The following XXYLT1 variants were observed in gnomAD, a reference collection of about 807,000 sequenced individuals.
XXYLT1 encodes xyloside xylosyltransferase 1, also known as UDP-xylose:alpha-xyloside alpha-1,3-xylosyltransferase.
Under a neutral mutation model 28.9 loss-of-function variants are expected in XXYLT1, and 20 were observed. The observed-to-expected ratio is 0.69, with a 90% confidence interval of 0.49 to 1.00. The LOEUF (loss-of-function observed/expected upper bound fraction) is 1.00. XXYLT1 is among the 50% of genes least tolerant of loss of function. XXYLT1 has a pLI of 0.00. For synonymous variants in XXYLT1, 257 were observed against 253.8 expected (o/e 1.01, Z -0.12); for missense variants, 542 against 560.1 (o/e 0.97, Z 0.33).
Position 195,226,865 on chromosome 3 carries a change from G to A in XXYLT1, c.505-9C>T. 2 of 1,610,524 alleles carry A rather than the reference G, an allele frequency of 1.2e-6. No homozygotes were observed. Among genetic ancestry groups the A allele is most frequent in the Non-Finnish European group, 8.5e-7 (1 of 1,178,920 alleles). ...ACATCGTGGAAGATGACCTGCAGCAGGTGCAAAAAAAACCAAGGCTCAGCA... is the reference window on the plus strand; with the variant it reads ...ACATCGTGGAAGATGACCTGCAGCAAGTGCAAAAAAAACCAAGGCTCAGCA... On this transcript the variant is annotated splice_polypyrimidine_tract_variant and intron_variant, in intron 1 of 3. Coordinates refer to ENST00000310380, the MANE Select transcript of XXYLT1 (RefSeq NM_152531.5).
chr3:195,080,132 G>C (rs1005565107), intron 3 of XXYLT1, among the ~76,000 whole-genome samples: 1 of 152,196 alleles, frequency 6.6e-6, no homozygotes, highest in Non-Finnish European at 1.5e-5. Context: ...CTCGGGCCCA[G>C]TCACTAGAGG....
At chr3:195,154,046 T>C (rs1720428611) in intron 3 of XXYLT1, 1 of 152,196 alleles carries the variant, frequency 6.6e-6, no homozygotes, top group African/African-American at 2.4e-5. Context: ...GACTAGTATC[T>C]AGGGCTTGGG....
At position 195,210,933 on chromosome 3, in the gene XXYLT1, A is replaced by C. The variant is rs1475838797; in HGVS notation, c.652+15776T>G. ...CTGACAGTCAAGGGCAGCACCCGCC[A>C]CAGCAGGAATCAGAGTTCTCCAGGC... On this transcript the variant is annotated intron_variant, in intron 2 of 3. Transcript: ENST00000310380. This position sits in a 1 kb window ranked among gnomAD's most constrained non-coding sequence, Gnocchi z 4.8. Among the ~76,000 whole-genome samples the C allele has an allele frequency of 2.6e-5, 4 of 152,192 alleles. No homozygotes were observed. The highest frequency in any genetic ancestry group is 9.7e-5 in the African/African-American group (4 of 41,436).
At chr3:195,248,092 T>C (rs976822263) in intron 1 of XXYLT1, among the ~76,000 whole-genome samples, 1 of 152,062 alleles carries the variant, frequency 6.6e-6, no homozygotes, top group South Asian at 2.1e-4. Context: ...AAGCCGCTCA[T>C]CCAGTGCTCG....
At chr3:195,156,390 A>T in intron 3 of XXYLT1, 59 bp downstream of exon 3, 2 of 1,586,902 alleles carry the variant, frequency 1.3e-6, no homozygotes, top group Non-Finnish European at 1.7e-6. Flanking sequence ...CTGGCAGAAG[A>T]GAGAGGGTGA....
intron 1 of XXYLT1, among the ~76,000 whole-genome samples, chr3:195,237,658 T>G (rs1416398017): frequency 1.3e-5 from 2 of 152,094 alleles, no homozygotes; most frequent in Non-Finnish European, 2.9e-5. Context: ...CATAAAAACC[T>G]TTTATGCCAC....
At chr3:195,155,698 C>A (rs1355677208) in intron 3 of XXYLT1, among the ~76,000 whole-genome samples, 3 of 151,570 alleles carry the variant, frequency 2.0e-5, no homozygotes, top group Non-Finnish European at 2.9e-5. Context: ...AAGCATCACC[C>A]CCCTTCTCCT....
At chr3:195,096,256 T>C (rs1716436789) in intron 3 of XXYLT1, among the ~76,000 whole-genome samples, 1 of 152,170 alleles carries the variant, frequency 6.6e-6, no homozygotes. Flanking sequence ...CCCTCTAGCA[T>C]GGCTGCAGCC....
rs1187534241 is a variant in XXYLT1 at position 195,133,244 on chromosome 3, C to T, written c.785+23205G>A. ...GCAGACAGATGGCTGCAAGTCCCAA[C>T]GCTCTGATAAAAAAAGGAAAATTAA... On this transcript the variant is annotated intron_variant, in intron 3 of 3. Transcript: ENST00000310380. This position sits in a 1 kb window ranked among gnomAD's most constrained non-coding sequence, Gnocchi z 4.4. Among the ~76,000 whole-genome samples, 3 of 152,102 alleles carry T rather than the reference C, an allele frequency of 2.0e-5. No individual in the cohort carries two copies. The highest frequency in any genetic ancestry group is 4.8e-5 in the African/African-American group (2 of 41,406).
chr3:195,250,037 A>C (rs1725190328), intron 1 of XXYLT1, among the ~76,000 whole-genome samples: 1 of 152,150 alleles, frequency 6.6e-6, no homozygotes, highest in Admixed American at 6.6e-5. Context: ...GACCCAGTCA[A>C]AGCTGGAATC....
At chr3:195,194,414 T>C (rs1265454975) in intron 2 of XXYLT1, among the ~76,000 whole-genome samples, 7 of 151,998 alleles carry the variant, frequency 4.6e-5, no homozygotes, top group East Asian at 1.9e-4. Flanking sequence ...AGACTGACAA[T>C]AGCAAATGTT....
intron 3 of XXYLT1, among the ~76,000 whole-genome samples, chr3:195,093,139 A>C (rs528633587): frequency 1.2e-5 from 1 of 81,870 alleles, no homozygotes; most frequent in Admixed American, 1.2e-4. Flanking sequence ...TCAGGGATCT[A>C]GAACTGGAAA....
At chr3:195,230,811 T>C (rs1006923369) in intron 1 of XXYLT1, among the ~76,000 whole-genome samples, 1 of 152,232 alleles carries the variant, frequency 6.6e-6, no homozygotes, top group Non-Finnish European at 1.5e-5. Context: ...AGTCACATCA[T>C]GTAATTCCTC....
chr3:195,097,246 C>CACAG (rs759455694), intron 3 of XXYLT1, among the ~76,000 whole-genome samples: 2 of 152,328 alleles, frequency 1.3e-5, no homozygotes, highest in Admixed American at 6.5e-5. Flanking sequence ...AGAATACATA[C>CACAG]ACAGACAGAC....
rs957223584 is a variant in XXYLT1 at position 195,078,122 on chromosome 3, G to A, written c.786-8011C>T. ...AGCCATGGCGGAGCTGGGAGGAGTG[G>A]GTGTGGGGCGGAGGAAAAGGGAATT... On this transcript the variant is annotated intron_variant, in intron 3 of 3. Transcript: ENST00000310380. This position sits in a 1 kb window ranked among gnomAD's most constrained non-coding sequence, Gnocchi z 5.0. Among the ~76,000 whole-genome samples the A allele has an allele frequency of 1.3e-5, 2 of 152,230 alleles. No individual in the cohort carries two copies. Among genetic ancestry groups the A allele is most frequent in the African/African-American group, 4.8e-5 (2 of 41,540 alleles).
chr3:195,252,401 T>C (rs1051865530), intron 1 of XXYLT1, among the ~76,000 whole-genome samples: 1 of 152,166 alleles, frequency 6.6e-6, no homozygotes, highest in Non-Finnish European at 1.5e-5. Context: ...AACAAAGATA[T>C]CTGTTACTTT....
chr3:195,253,428 C>A (rs1228295806), intron 1 of XXYLT1, among the ~76,000 whole-genome samples: 1 of 152,064 alleles, frequency 6.6e-6, no homozygotes, highest in Non-Finnish European at 1.5e-5. Context: ...TTTGCATTTG[C>A]CTTAAAATGT....
At chr3:195,141,505 G>A (rs1230725441) in intron 3 of XXYLT1, among the ~76,000 whole-genome samples, 6 of 152,112 alleles carry the variant, frequency 3.9e-5, no homozygotes, top group African/African-American at 7.2e-5. Flanking sequence ...TTCAAATTAC[G>A]TATAAACTCA....
At chr3:195,263,818 T>C (rs1267929804) in intron 1 of XXYLT1, among the ~76,000 whole-genome samples, 1 of 152,188 alleles carries the variant, frequency 6.6e-6, no homozygotes, top group Non-Finnish European at 1.5e-5. Context: ...CTGAGAACTC[T>C]TCTAGGATAT....
Sources: allele counts gnomAD v4.1 joint callset (sites outside exome capture counted in the v4.1 genomes callset), GRCh38; gene constraint gnomAD v4.1.1; non-coding constraint Gnocchi (gnomAD v3.1); transcripts MANE v1.5; gene names NCBI Gene and HGNC (gene_info 2026-07-23, HGNC 2026-07-21).